The following OAF variants were observed in gnomAD, a reference collection of about 807,000 sequenced individuals.
The protein encoded by OAF is out at first protein homolog.
A neutral mutation model predicts 22.5 loss-of-function variants in OAF; 13 were observed. The ratio of observed to expected loss-of-function variants is 0.58; its 90% CI spans 0.38 to 0.92. The LOEUF (loss-of-function observed/expected upper bound fraction) is 0.92. OAF is among the 40% of genes least tolerant of loss of function. The pLI is 0.00. For synonymous variants in OAF, 175 were observed against 170.5 expected (o/e 1.03, Z -0.21); for missense variants, 347 against 381.8 (o/e 0.91, Z 0.76).
At chr11:120,225,493 G>A (rs189128646) in intron 1 of OAF, among the ~76,000 whole-genome samples, 168 bp from the exon 2 acceptor site, 1 of 152,268 alleles carries the variant, frequency 6.6e-6, no homozygotes, top group East Asian at 1.9e-4. Context: ...TTTCTTTCAA[G>A]TCACGGGTTT....
At chr11:120,221,043 C>T (rs112956478) in intron 1 of OAF, among the ~76,000 whole-genome samples, 4 of 152,172 alleles carry the variant, frequency 2.6e-5, no homozygotes, top group South Asian at 2.1e-4. Flanking sequence ...CCTCACTGTG[C>T]GAAGTCTTCC....
At chr11:120,218,274 C>T (rs1938237739) in intron 1 of OAF, among the ~76,000 whole-genome samples, 2 of 152,210 alleles carry the variant, frequency 1.3e-5, no homozygotes, top group South Asian at 4.1e-4. Context: ...ATGCTGGCAT[C>T]TCATCATGGG....
In OAF at chr11:120,219,009, G is replaced by A. The variant is rs983075565; in HGVS notation, c.232-6652G>A. On this transcript the variant is annotated intron_variant, in intron 1 of 3. Coordinates refer to ENST00000328965, the MANE Select transcript of OAF (RefSeq NM_178507.4). ...CACGTGTGTGTGTGTGTGTACACAC[G>A]TTATGAGAAGTGGCATCGGGAGGAG... Among the ~76,000 whole-genome samples the A allele has an allele frequency of 5.9e-5, 9 of 151,536 alleles. No individual in the cohort carries two copies. The East Asian group carries it at 7.9e-4, about 13-fold the overall frequency.
At chr11:120,227,039 A>G in intron 3 of OAF, 43 bp downstream of exon 3, 1 of 1,470,372 alleles carries the variant, frequency 6.8e-7, no homozygotes, top group Non-Finnish European at 9.4e-7. Context: ...GGCGGAGGGA[A>G]GGGGACAGGG....
intron 1 of OAF, among the ~76,000 whole-genome samples, chr11:120,219,203 C>G (rs1938250872): frequency 6.6e-6 from 1 of 151,900 alleles, no homozygotes; most frequent in African/African-American, 2.4e-5. Flanking sequence ...AGGGAGGAGA[C>G]AGGCCCAGAT....
At chr11:120,221,355 A>G (rs1379765376) in intron 1 of OAF, among the ~76,000 whole-genome samples, 1 of 152,186 alleles carries the variant, frequency 6.6e-6, no homozygotes, top group Non-Finnish European at 1.5e-5. Flanking sequence ...TGTCTAGGCC[A>G]TAGGTACATC....
At chr11:120,221,718 A>C (rs1938281641) in intron 1 of OAF, among the ~76,000 whole-genome samples, 1 of 152,096 alleles carries the variant, frequency 6.6e-6, no homozygotes, top group South Asian at 2.1e-4. Context: ...CCTTACTTAA[A>C]ACTACAGACG....
chr11:120,225,454 A>C (rs1938341857), intron 1 of OAF, among the ~76,000 whole-genome samples: 1 of 152,132 alleles, frequency 6.6e-6, no homozygotes, highest in Non-Finnish European at 1.5e-5. Flanking sequence ...TCAGTTTTCC[A>C]GGATCTTTGG....
Position 120,211,526 on chromosome 11 carries a change from T to A in OAF, c.231+16T>A. The A allele has an allele frequency of 7.0e-7, 1 of 1,433,342 alleles. No individual in the cohort carries two copies. The highest frequency in any genetic ancestry group is 9.2e-7 in the Non-Finnish European group (1 of 1,084,156). 88.8% of individuals were successfully genotyped at this position (1,433,342 alleles called of 1,614,324 possible). On this transcript the variant is annotated intron_variant, in intron 1 of 3. Transcript: ENST00000328965. ...CTTCAAGAAGGTGAGGCGCCCTCAC[T>A]CGCCGGGGTGGCACCTTCAAGCCTG...
intron 2 of OAF, among the ~76,000 whole-genome samples, chr11:120,226,193 C>T (rs568401669): frequency 6.8e-6 from 1 of 147,222 alleles, no homozygotes; most frequent in South Asian, 2.1e-4. Flanking sequence ...ATCACATCTC[C>T]TCCGTCACTC....
intron 1 of OAF, chr11:120,217,285 A>C (rs1189698944): frequency 6.6e-6 from 1 of 152,250 alleles, no homozygotes; most frequent in African/African-American, 2.4e-5. Context: ...AGTTTGGAAA[A>C]TATCTCACCA....
chr11:120,211,978 A>G (rs1418753649), intron 1 of OAF, among the ~76,000 whole-genome samples: 1 of 152,070 alleles, frequency 6.6e-6, no homozygotes, highest in Non-Finnish European at 1.5e-5. Flanking sequence ...CAGCCCTGAC[A>G]TTTTGGAGTC....
At chr11:120,223,793 C>T (rs886232765) in intron 1 of OAF, among the ~76,000 whole-genome samples, 2 of 152,202 alleles carry the variant, frequency 1.3e-5, no homozygotes, top group Non-Finnish European at 2.9e-5. Context: ...GGCTTCTCTC[C>T]AAAGAGTCAG....
Position 120,229,368 on chromosome 11 carries a change from C to CTTCTTTT in OAF, c.*226_*227insTTCTTTT. 1 of 333,926 alleles carries CTTCTTTT rather than the reference C, an allele frequency of 3.0e-6. No individual in the cohort carries two copies. The highest frequency in any genetic ancestry group is 5.1e-6 in the Non-Finnish European group (1 of 194,324). The allele number at this position is 333,926 out of a possible 1,614,324, so 20.7% of individuals were successfully genotyped here. Reference sequence around the variant, plus strand: ...TCCCACCCTGTGCCTTCCTTGCGGGCAGAGAGGGAGAGAAGGGCTCCCCAG... The same window carrying CTTCTTTT: ...TCCCACCCTGTGCCTTCCTTGCGGGCTTCTTTTAGAGAGGGAGAGAAGGGCTCCCCAG... On this transcript the variant is annotated 3_prime_UTR_variant, in exon 4 of 4. Transcript: ENST00000328965.
rs771107311 is a variant in OAF at position 120,226,884 on chromosome 11, T to G, written c.435T>G (p.Ala145=). The change falls in exon 3 of 4, where the codon GCT becomes GCG. Residue 145 remains alanine, a synonymous_variant. Transcript: ENST00000328965. ...RGLEHLHMDV[A]VNFSQGALLS... ...TGGAGCATCTGCACATGGATGTCGC[T>G]GTCAACTTCAGCCAGGGGGCCCTGC... The G allele has an allele frequency of 1.2e-6, 2 of 1,612,800 alleles. No individual in the cohort carries two copies. The highest frequency in any genetic ancestry group is 8.5e-7 in the Non-Finnish European group (1 of 1,179,074).
chr11:120,227,929 A>C (rs957587935), intron 3 of OAF, among the ~76,000 whole-genome samples: 1 of 151,874 alleles, frequency 6.6e-6, no homozygotes, highest in Admixed American at 6.6e-5. Context: ...CCCCTCCCAT[A>C]CAGCCCCTGA....
rs746592455 is a variant in OAF at position 120,225,274 on chromosome 11, GA to G, written c.232-375del. ...GATTTCTAGCCATTACAACTACAAA[GA>G]AAAAAAAAAAAGAGGAACTCTGGAA... On this transcript the variant is annotated intron_variant, in intron 1 of 3. Transcript: ENST00000328965. Among the ~76,000 whole-genome samples, 1,280 of 139,546 alleles carry G rather than the reference GA, an allele frequency of 9.2e-3. 18 individuals carry two copies. Among genetic ancestry groups the G allele is most frequent in the African/African-American group, 0.031 (1,173 of 38,110 alleles). 91.5% of individuals were successfully genotyped at this position (139,546 alleles called of 152,430 possible). A position where few individuals can be genotyped will look rare whatever the true frequency, so the allele number is the denominator to read the frequency against.
intron 3 of OAF, among the ~76,000 whole-genome samples, chr11:120,228,087 C>T (rs1214474626): frequency 1.3e-5 from 1 of 77,118 alleles, no homozygotes; most frequent in Non-Finnish European, 3.6e-5. Context: ...ACTCAGATGT[C>T]ACTTTTTTTT....
intron 3 of OAF, 40 bp from the exon 4 acceptor site, chr11:120,228,828 C>CAA: frequency 1.2e-5 from 8 of 649,122 alleles, no homozygotes; most frequent in East Asian, 3.1e-5. Context: ...CCTTCCCTCC[C>CAA]TCCCTCCCTC....
Sources: gnomAD v4.1 joint callset for allele counts (sites outside exome capture counted in the v4.1 genomes callset) on GRCh38, gnomAD v4.1.1 for gene constraint, MANE v1.5 for transcripts, NCBI Gene and HGNC (gene_info 2026-07-23, HGNC 2026-07-21) for gene names.